Variants in SGMS1 observed in about 807,000 individuals in gnomAD.
The protein encoded by SGMS1 is phosphatidylcholine:ceramide cholinephosphotransferase 1.
A neutral mutation model predicts 46.2 loss-of-function variants in SGMS1; 13 were observed. That is an observed-to-expected ratio of 0.28 (90% CI 0.18 to 0.45). SGMS1 has a LOEUF of 0.45. SGMS1 is among the 20% of genes least tolerant of loss of function. The pLI is 1.00. For synonymous variants in SGMS1, 203 were observed against 187.8 expected (o/e 1.08, Z -0.66); for missense variants, 324 against 519.9 (o/e 0.62, Z 3.66).
intron 3 of SGMS1, among the ~76,000 whole-genome samples, chr10:50,484,602 C>G (rs1010347112): frequency 6.6e-6 from 1 of 152,080 alleles, no homozygotes; most frequent in African/African-American, 2.4e-5. Context: ...AAAAAAGAAA[C>G]CTTCAGGCCA....
chr10:50,616,627 A>G (rs1564445366), intron 1 of SGMS1, among the ~76,000 whole-genome samples: 5 of 152,166 alleles, frequency 3.3e-5, no homozygotes, highest in Non-Finnish European at 7.3e-5. Context: ...ACCAGGGGTG[A>G]GTAATTTCAC....
At position 50,613,448 on chromosome 10, in the gene SGMS1, C is replaced by A. The variant is rs372079718; in HGVS notation, c.-684+10259G>T. ...ACTGGCCCATAGGGGATTTTCAACA[C>A]ATATTTACTGCCACTGTCAACCCTG... On this transcript the variant is annotated intron_variant, in intron 1 of 10. Transcript: ENST00000361781. Among the ~76,000 whole-genome samples the A allele has an allele frequency of 2.6e-5, 4 of 152,250 alleles. No individual in the cohort carries two copies. In the East Asian group the frequency reaches 7.7e-4, roughly 29 times the overall value.
chr10:50,391,345 C>T (rs941384464), intron 6 of SGMS1, among the ~76,000 whole-genome samples: 1 of 152,118 alleles, frequency 6.6e-6, no homozygotes, highest in African/African-American at 2.4e-5. Flanking sequence ...AACATGATAA[C>T]TTACATGGAA....
intron 2 of SGMS1, among the ~76,000 whole-genome samples, chr10:50,581,368 C>T (rs1838432864): frequency 6.6e-6 from 1 of 152,160 alleles, no homozygotes; most frequent in Non-Finnish European, 1.5e-5. Flanking sequence ...CCTCAATTTC[C>T]TCATCTAGAG....
At chr10:50,536,136 C>A (rs1184867815) in intron 2 of SGMS1, among the ~76,000 whole-genome samples, 2 of 151,990 alleles carry the variant, frequency 1.3e-5, no homozygotes, top group East Asian at 1.9e-4. Flanking sequence ...GAGTTTGAGA[C>A]CAGCCTGGGC....
chr10:50,364,662 CA>C (rs2133424700), intron 6 of SGMS1, among the ~76,000 whole-genome samples: 1 of 152,284 alleles, frequency 6.6e-6, no homozygotes, highest in East Asian at 1.9e-4. Context: ...GTGATGAGAA[CA>C]ATAACACCAT....
chr10:50,612,307 G>T lies in SGMS1; in HGVS notation c.-684+11400C>A, dbSNP rs907534051. On this transcript the variant is annotated intron_variant, in intron 1 of 10. Transcript: ENST00000361781. The stretch of plus-strand genomic sequence containing the variant: ...TTAGAAGACTGAACATCCACATTTT[G>T]CTCCCTTAATGGAGACAGCCTGCCA... 2.6e-5 allele frequency among the ~76,000 whole-genome samples: 4 copies of T among 152,300 alleles called. No individual in the cohort carries two copies. The South Asian group carries it at 8.3e-4, about 32-fold the overall frequency.
At chr10:50,352,546 G>C (rs1417996561) in intron 6 of SGMS1, among the ~76,000 whole-genome samples, 1 of 152,168 alleles carries the variant, frequency 6.6e-6, no homozygotes, top group Non-Finnish European at 1.5e-5. Flanking sequence ...CACAGAAGTA[G>C]CACAGAAATA....
intron 8 of SGMS1, among the ~76,000 whole-genome samples, chr10:50,326,390 A>C (rs1323459553): frequency 1.3e-5 from 2 of 152,206 alleles, no homozygotes; most frequent in Non-Finnish European, 1.5e-5. Flanking sequence ...AGTACAAAGC[A>C]ATGAGACTGA....
At chr10:50,492,746 A>T (rs1230542762) in intron 3 of SGMS1, among the ~76,000 whole-genome samples, 1 of 152,192 alleles carries the variant, frequency 6.6e-6, no homozygotes, top group Non-Finnish European at 1.5e-5. Flanking sequence ...AATCTGATTC[A>T]ATGCTTTCCT....
At chr10:50,410,099 T>C (rs980702642) in intron 6 of SGMS1, among the ~76,000 whole-genome samples, 1 of 152,216 alleles carries the variant, frequency 6.6e-6, no homozygotes, top group African/African-American at 2.4e-5. Flanking sequence ...TTTAACAATG[T>C]ACTCTAGTTT....
chr10:50,460,370 G>A (rs1040398380), intron 5 of SGMS1, among the ~76,000 whole-genome samples: 1 of 152,282 alleles, frequency 6.6e-6, no homozygotes, highest in South Asian at 2.1e-4. Flanking sequence ...AGGAAAGAAG[G>A]CAATGAGGTC....
intron 6 of SGMS1, among the ~76,000 whole-genome samples, chr10:50,365,260 A>G (rs1473376865): frequency 6.9e-6 from 1 of 145,886 alleles, no homozygotes; most frequent in South Asian, 2.2e-4. Flanking sequence ...CTCACCAAAA[A>G]AAAAAAAAAA....
chr10:50,361,029 A>G (rs10508926), intron 6 of SGMS1, among the ~76,000 whole-genome samples: 18,718 of 152,204 alleles, frequency 0.12, 1,274 homozygotes, highest in Middle Eastern at 0.21. Flanking sequence ...AACTACCTCT[A>G]TCTACTCACC....
intron 9 of SGMS1, among the ~76,000 whole-genome samples, chr10:50,309,746 T>C (rs991198659): frequency 3.3e-5 from 5 of 152,116 alleles, no homozygotes; most frequent in African/African-American, 1.2e-4. Context: ...CTGAAGTGCA[T>C]CTCTCTTCCC....
intron 3 of SGMS1, among the ~76,000 whole-genome samples, chr10:50,507,441 G>A (rs1409091107): frequency 1.3e-5 from 2 of 152,122 alleles, no homozygotes; most frequent in African/African-American, 2.4e-5. Context: ...CAAGCTGAGC[G>A]AAACAGGCTA....
At chr10:50,595,528 C>T (rs889061692) in intron 1 of SGMS1, among the ~76,000 whole-genome samples, 2 of 152,094 alleles carry the variant, frequency 1.3e-5, no homozygotes, top group Non-Finnish European at 2.9e-5. Flanking sequence ...TGTATTATTC[C>T]CATTTTATAG....
chr10:50,592,483 A>T (rs1006628076), intron 1 of SGMS1, among the ~76,000 whole-genome samples: 1 of 151,508 alleles, frequency 6.6e-6, no homozygotes, highest in Non-Finnish European at 1.5e-5. Context: ...GGGCTGAAAC[A>T]GATTTTAATA....
chr10:50,373,396 T>C (rs146601169), intron 6 of SGMS1, among the ~76,000 whole-genome samples: 3 of 152,354 alleles, frequency 2.0e-5, no homozygotes, highest in Admixed American at 6.5e-5. Context: ...TCATGGAATG[T>C]TCAATTTTTC....
Sources: allele counts gnomAD v4.1 joint callset (sites outside exome capture counted in the v4.1 genomes callset), GRCh38; gene constraint gnomAD v4.1.1; transcripts MANE v1.5; gene names NCBI Gene and HGNC (gene_info 2026-07-23, HGNC 2026-07-21).